The following TIMELESS variants were observed in gnomAD, a reference collection of about 807,000 sequenced individuals.
The protein encoded by TIMELESS is timeless circadian regulator.
TIMELESS carries 124 observed loss-of-function variants against 164.3 expected under a neutral mutation model. The observed-to-expected ratio is 0.75, with a 90% CI of 0.65 to 0.88. The LOEUF (loss-of-function observed/expected upper bound fraction) is 0.88. Ranked by LOEUF, TIMELESS falls within the 40% of genes least tolerant of loss-of-function variation. The pLI is 0.00. For missense variants in TIMELESS, 1,422 were observed against 1,491.4 expected (o/e 0.95, Z 0.77); for synonymous variants, 564 against 563.4 (o/e 1.00, Z -0.02).
intron 1 of TIMELESS, among the ~76,000 whole-genome samples, chr12:56,444,483 A>G (rs1314872805): frequency 2.0e-5 from 3 of 152,076 alleles, no homozygotes; most frequent in Non-Finnish European, 4.4e-5. Context: ...TTAGTTGGTT[A>G]TTCCTTATTT....
intron 1 of TIMELESS, among the ~76,000 whole-genome samples, chr12:56,448,347 A>G (rs1021084056): frequency 2.0e-5 from 3 of 151,982 alleles, no homozygotes; most frequent in African/African-American, 7.3e-5. Context: ...CGGAGGTTGC[A>G]GTGAGCCGAG....
intron 1 of TIMELESS, among the ~76,000 whole-genome samples, 185 bp downstream of exon 1, chr12:56,449,125 A>G (rs1868472897): frequency 6.6e-6 from 1 of 152,280 alleles, no homozygotes; most frequent in African/African-American, 2.4e-5. Flanking sequence ...GAGACCCGGG[A>G]ACGCGGCGCG....
At chr12:56,427,611 C>G (rs1052309211) in intron 13 of TIMELESS, among the ~76,000 whole-genome samples, 3 of 152,160 alleles carry the variant, frequency 2.0e-5, no homozygotes, top group African/African-American at 7.2e-5. Flanking sequence ...CAGAGTCTCA[C>G]TGTGTCACCC....
At chr12:56,436,126 C>T (rs1169885916) in intron 1 of TIMELESS, among the ~76,000 whole-genome samples, 1 of 152,010 alleles carries the variant, frequency 6.6e-6, no homozygotes, top group Non-Finnish European at 1.5e-5. Flanking sequence ...TTATTCTTAG[C>T]CAATGAGTAA....
intron 13 of TIMELESS, 79 bp from the exon 14 acceptor site, chr12:56,425,231 C>T: frequency 1.4e-6 from 2 of 1,468,686 alleles, no homozygotes; most frequent in South Asian, 1.3e-5. Flanking sequence ...TATTACAAAA[C>T]TAATTAACTG....
At position 56,418,308 on chromosome 12, in the gene TIMELESS, C is replaced by G; in HGVS notation, c.3280G>C (p.Ala1094Pro). The change falls in exon 27 of 29, where the codon GCA (alanine) becomes CCA (proline). Residue 1094 changes from alanine to proline, a missense_variant. Transcript: ENST00000553532. The stretch of plus-strand genomic sequence containing the variant: ...TCTGGTTGACTCAAAGAAGCTGCTG[C>G]CCTCCGGAGCTGGGTAGGACTCAGC... ...AKLSPTQLRRAAASLSQPEEE... is the reference protein window; with the variant it reads ...AKLSPTQLRRPAASLSQPEEE... 1 of 1,614,100 alleles carries G rather than the reference C, an allele frequency of 6.2e-7. No individual in the cohort carries two copies. The highest frequency in any genetic ancestry group is 1.1e-5 in the South Asian group (1 of 91,088).
chr12:56,423,859 T>C lies in TIMELESS; in HGVS notation c.1904A>G (p.Gln635Arg), dbSNP rs760142179. 9 of 1,614,208 alleles carry C rather than the reference T, an allele frequency of 5.6e-6. No homozygotes were observed. The highest frequency in any genetic ancestry group is 7.6e-6 in the Non-Finnish European group (9 of 1,180,032). The change falls in exon 16 of 29, where the codon CAA (glutamine) becomes CGA (arginine). Residue 635 changes from glutamine to arginine, a missense_variant. By Grantham distance (43) the Gln-to-Arg change is conservative. Coordinates refer to ENST00000553532, the MANE Select transcript of TIMELESS (RefSeq NM_003920.5). ...GATCTCTTCCTCTGGAGAAATGTCT[T>C]GAGAGCCAAACACATCTCCTTCAGG... is the stretch of plus-strand genomic sequence containing the variant. ...VWPEGDVFGS[Q>R]DISPEEEIQL...
At chr12:56,425,468 T>C (rs1318744612) in intron 13 of TIMELESS, among the ~76,000 whole-genome samples, 2 of 152,352 alleles carry the variant, frequency 1.3e-5, no homozygotes, top group East Asian at 3.9e-4. Context: ...AAAGCAGTGC[T>C]ATCTCAAGAG....
chr12:56,427,733 G>A (rs961743977), intron 13 of TIMELESS, among the ~76,000 whole-genome samples: 2 of 152,036 alleles, frequency 1.3e-5, no homozygotes, highest in Non-Finnish European at 2.9e-5. Flanking sequence ...GCATCAACAC[G>A]CCTGGCTAAT....
At chr12:56,439,922 C>G (rs1408835267) in intron 1 of TIMELESS, among the ~76,000 whole-genome samples, 1 of 152,088 alleles carries the variant, frequency 6.6e-6, no homozygotes, top group Non-Finnish European at 1.5e-5. Context: ...CACATTTCAT[C>G]ATAGACCAGG....
In TIMELESS at chr12:56,449,145, GGA is replaced by G. The variant is rs1198406728; in HGVS notation, c.-62+163_-62+164del. Among the ~76,000 whole-genome samples, 5 of 152,394 alleles carry G rather than the reference GGA, an allele frequency of 3.3e-5. 1 individual carries two copies. The South Asian group carries it at 6.2e-4, about 19-fold the overall frequency. ...CCGGGAACGCGGCGCGGGAGACTAA[GGA>G]GCAGAGTACAGAATTGCGCGTGCGC... On this transcript the variant is annotated intron_variant, in intron 1 of 28. Transcript: ENST00000553532.
rs1389894986 is a variant in TIMELESS at position 56,433,595 on chromosome 12, C to T, written c.309G>A (p.Glu103=). The change falls in exon 4 of 29, where the codon GAG becomes GAA. Residue 103 remains glutamate (E), a synonymous_variant. Coordinates refer to ENST00000553532, the MANE Select transcript of TIMELESS (RefSeq NM_003920.5). ...GCAAAAAATGGTGCCGAAAGCTGGG[C>T]TCCTTAGGCAGATTGCCAAAACAGA... The part of the protein sequence containing the change: ...ALLCFGNLPK[E]PSFRHHFLQV... The T allele has an allele frequency of 3.1e-6, 5 of 1,614,102 alleles. No individual in the cohort carries two copies. The highest frequency in any genetic ancestry group is 3.4e-6 in the Non-Finnish European group (4 of 1,180,050).
At chr12:56,421,323 G>A in intron 23 of TIMELESS, 28 bp downstream of exon 23, 1 of 1,608,594 alleles carries the variant, frequency 6.2e-7, no homozygotes, top group Non-Finnish European at 8.5e-7. Context: ...GTGAGCCCAT[G>A]CCAGCAGAGC....
rs934725551 is a variant in TIMELESS at position 56,428,140 on chromosome 12, C to A, written c.1578+96G>T. The A allele has an allele frequency of 5.1e-5, 64 of 1,256,648 alleles. 1 individual carries two copies. In the Admixed American group the frequency reaches 1.5e-3, roughly 30 times the overall value. The allele number at this position is 1,256,648 out of a possible 1,614,324, so 77.8% of individuals were successfully genotyped here. A position where few individuals can be genotyped will look rare whatever the true frequency, so the allele number is the denominator to read the frequency against. ...CTGTCGTAGTTCAGAGCACGTTTAA[C>A]AGATGAACTTAAGCTGTACAAACTG... On this transcript the variant is annotated intron_variant, in intron 13 of 28. Coordinates refer to ENST00000553532, the MANE Select transcript of TIMELESS (RefSeq NM_003920.5).
In TIMELESS at chr12:56,429,087, C is replaced by T. The variant is rs372751133; in HGVS notation, c.1100G>A (p.Arg367Gln). 31 of 1,613,388 alleles carry T rather than the reference C, an allele frequency of 1.9e-5. No individual in the cohort carries two copies. The highest frequency in any genetic ancestry group is 8.0e-5 in the African/African-American group (6 of 74,866). ...CTCATCATGCTGCTGAGCTTTCTCC[C>T]GAAGCAGGTGATCCTGACATTTAAA... ...LMGSVKDHLLREKAQQHDETY... is the reference protein window; with the variant it reads ...LMGSVKDHLLQEKAQQHDETY... The change falls in exon 11 of 29, where the codon CGG (arginine) becomes CAG (glutamine). Residue 367 changes from arginine to glutamine, a missense_variant. Physicochemically the swap from Arg to Gln is conservative, Grantham distance 43. Coordinates refer to ENST00000553532, the MANE Select transcript of TIMELESS (RefSeq NM_003920.5).
Position 56,449,332 on chromosome 12 carries a change from A to C in TIMELESS, c.-84T>G, listed in dbSNP as rs1483139720. The C allele has an allele frequency of 6.6e-6, 1 of 152,284 alleles. No homozygotes were observed. Among genetic ancestry groups the C allele is most frequent in the Non-Finnish European group, 1.5e-5 (1 of 68,074 alleles). The allele number at this position is 152,284 out of a possible 1,614,324, so 9.4% of individuals were successfully genotyped here. ...CACCCGCTCCCTGCGGGTCCTCAGA[A>C]GCCCGGAGGAGCCACCGGCCCTCTG... is the stretch of plus-strand genomic sequence containing the variant. On this transcript the variant is annotated 5_prime_UTR_variant, in exon 1 of 29. Coordinates refer to ENST00000553532, the MANE Select transcript of TIMELESS (RefSeq NM_003920.5).
intron 1 of TIMELESS, among the ~76,000 whole-genome samples, chr12:56,436,744 C>T (rs1016998281): frequency 3.3e-5 from 5 of 152,162 alleles, no homozygotes; most frequent in Admixed American, 6.5e-5. Context: ...CATTTCACTT[C>T]AGACGGATGG....
In TIMELESS at chr12:56,417,729, T is replaced by A. The variant is rs374769684; in HGVS notation, c.3614A>T (p.Asp1205Val). ...QKKKRYQIED[D>V]EDD is the part of the protein sequence containing the mutation. ...CTTCTTAGCTCTTCAGTCATCCTCA[T>A]CATCCTCAATCTGGTATCGTTTCTT... is the stretch of plus-strand genomic sequence containing the variant. Residue 1205 changes from aspartate (D) to valine (V), a missense_variant, in exon 29 of 29, where the codon GAT becomes GTT. Coordinates refer to ENST00000553532, the MANE Select transcript of TIMELESS (RefSeq NM_003920.5). 14 of 1,614,074 alleles carry A rather than the reference T, an allele frequency of 8.7e-6. No individual in the cohort carries two copies. The African/African-American group carries it at 1.2e-4, about 14-fold the overall frequency.
chr12:56,441,043 C>G (rs1178478788), intron 1 of TIMELESS, among the ~76,000 whole-genome samples: 4 of 152,082 alleles, frequency 2.6e-5, no homozygotes, highest in Non-Finnish European at 5.9e-5. Flanking sequence ...CTGCTGAACT[C>G]CTGGCCTCAA....
Sources: gnomAD v4.1 joint callset for allele counts (sites outside exome capture counted in the v4.1 genomes callset) on GRCh38, gnomAD v4.1.1 for gene constraint, MANE v1.5 for transcripts, NCBI Gene and HGNC (gene_info 2026-07-23, HGNC 2026-07-21) for gene names.